The following FASN variants were observed in gnomAD, a reference collection of about 807,000 sequenced individuals.
FASN encodes the protein 3-hydroxyacyl-[acyl-carrier-protein] dehydratase.
A neutral mutation model predicts 250.0 loss-of-function variants in FASN; 50 were observed. The ratio of observed to expected loss-of-function variants is 0.20; its 90% CI spans 0.16 to 0.25. The LOEUF (loss-of-function observed/expected upper bound fraction) is 0.25. Ranked by LOEUF, FASN falls within the 10% of genes least tolerant of loss-of-function variation. The probability of loss-of-function intolerance (pLI) is 1.00; values close to 1 mark genes in which losing one functional copy is unlikely to be tolerated. For synonymous variants in FASN, 1,909 were observed against 1,584.0 expected (o/e 1.21, Z -4.87); for missense variants, 3,031 against 3,498.5 (o/e 0.87, Z 3.37).
Position 82,092,532 on chromosome 17 carries a change from C to T in FASN, c.952G>A (p.Glu318Lys). The change falls in exon 8 of 43, where the codon GAG becomes AAG. Residue 318 changes from glutamate (E) to lysine (K), a missense_variant. Glu to Lys is a moderately conservative substitution (Grantham distance 56, BLOSUM62 1). Transcript: ENST00000306749. ...ITRALCATRQ[E>K]PLLIGSTKSN... Reference sequence around the variant, plus strand: ...TTGGTGGAGCCGATGAGCAGCGGCTCCTGGCGGGTGGCGCACAGGGCTCGG... The same window carrying T: ...TTGGTGGAGCCGATGAGCAGCGGCTTCTGGCGGGTGGCGCACAGGGCTCGG... 1 of 1,605,374 alleles carries T rather than the reference C, an allele frequency of 6.2e-7. No homozygotes were observed. Among genetic ancestry groups the T allele is most frequent in the Non-Finnish European group, 8.5e-7 (1 of 1,178,562 alleles).
intron 34 of FASN, 52 bp downstream of exon 34, chr17:82,082,475 C>A (rs1020115216): frequency 3.1e-6 from 5 of 1,610,116 alleles, no homozygotes; most frequent in East Asian, 4.5e-5. Flanking sequence ...CACCCAGGGT[C>A]CCCCCCTTGG....
intron 10 of FASN, 120 bp downstream of exon 10, chr17:82,090,762 G>A (rs1209105608): frequency 1.6e-6 from 2 of 1,230,080 alleles, no homozygotes; most frequent in African/African-American, 1.5e-5. Flanking sequence ...CCCAGCACAA[G>A]GCTCTGCCTA....
rs2034253277 is a variant in FASN at position 82,093,625 on chromosome 17, G to A, written c.427C>T (p.Arg143Trp). The A allele has an allele frequency of 2.5e-6, 4 of 1,612,668 alleles. No homozygotes were observed. The highest frequency in any genetic ancestry group is 1.1e-5 in the South Asian group (1 of 91,082). Residue 143 changes from arginine to tryptophan, a missense_variant, in exon 4 of 43, where the codon CGG becomes TGG. Transcript: ENST00000306749. ...CTGAAGTCGAAGAAGAAGGAGAGCC[G>A]GTTGGCCATCATCGCTCGCTGGCAG... ...VGCQRAMMAN[R>W]LSFFFDFRGP...
In FASN at chr17:82,089,079, C is replaced by G. The variant is rs748713446; in HGVS notation, c.2194G>C (p.Ala732Pro). 4.4e-6 allele frequency: 7 copies of G among 1,583,268 alleles called. No individual in the cohort carries two copies. Among genetic ancestry groups the G allele is most frequent in the Non-Finnish European group, 6.0e-6 (7 of 1,165,894 alleles). ...ACCAGGTTGTTGACATTGTACTCGG[C>G]GGAGGACGTGCGTGCCAGGCTGCTG... Reference protein sequence around the residue: ...WHSSLARTSSAEYNVNNLVSP... With the variant: ...WHSSLARTSSPEYNVNNLVSP... The change falls in exon 14 of 43, where the codon GCC (alanine) becomes CCC (proline). Residue 732 changes from alanine to proline, a missense_variant. Coordinates refer to ENST00000306749, the MANE Select transcript of FASN (RefSeq NM_004104.5).
rs1260172954 is a variant in FASN at position 82,091,462 on chromosome 17, C to T, written c.1252G>A (p.Ala418Thr). 1.2e-6 allele frequency: 2 copies of T among 1,606,542 alleles called. No homozygotes were observed. Among genetic ancestry groups the T allele is most frequent in the Non-Finnish European group, 1.7e-6 (2 of 1,177,308 alleles). ...GCCCGCAGCAGACGGGGCAGGGTGG[C>T]ATGTGGGGCGGGTGCGGGGGGCGGC... ...TQPPPAPAPH[A>T]TLPRLLRASG... The change falls in exon 9 of 43, where the codon GCC (alanine) becomes ACC (threonine). Residue 418 changes from alanine (A) to threonine (T), a missense_variant. Transcript: ENST00000306749.
In FASN at chr17:82,083,623, C is replaced by T. The variant is rs2034031877; in HGVS notation, c.5235G>A (p.Leu1745=). 3.7e-6 allele frequency: 6 copies of T among 1,609,978 alleles called. No individual in the cohort carries two copies. In the South Asian group the frequency reaches 6.6e-5, roughly 18 times the overall value. The part of the protein sequence containing the change: ...HTGGKGVDLV[L]NSLAEEKLQA... ...GCAGCTTCTCTTCCGCCAAGGAGTT[C>T]AAGACCAGGTCAACGCCTAGGGGGC... is the stretch of plus-strand genomic sequence containing the variant. Residue 1745 remains leucine, a synonymous_variant, in exon 31 of 43, where the codon TTG becomes TTA. Transcript: ENST00000306749.
In FASN at chr17:82,088,241, G is replaced by A; in HGVS notation, c.2660C>T (p.Pro887Leu). 1 of 1,609,372 alleles carries A rather than the reference G, an allele frequency of 6.2e-7. No individual in the cohort carries two copies. Among genetic ancestry groups the A allele is most frequent in the Non-Finnish European group, 8.5e-7 (1 of 1,179,954 alleles). Residue 887 changes from proline (P) to leucine (L), a missense_variant, in exon 17 of 43, where the codon CCC (proline) becomes CTC (leucine). Coordinates refer to ENST00000306749, the MANE Select transcript of FASN (RefSeq NM_004104.5). ...DHTLDGRVLF[P>L]ATGYLSIVWK... The stretch of plus-strand genomic sequence containing the variant: ...CACTATGCTCAGGTAGCCAGTGGCG[G>A]GGAAGAGGACGCGACCGTCGAGGGT...
chr17:82,094,660 G>T (rs1032000744), intron 3 of FASN, among the ~76,000 whole-genome samples: 4 of 151,532 alleles, frequency 2.6e-5, no homozygotes, highest in Non-Finnish European at 5.9e-5. Flanking sequence ...GTGGTGGTGG[G>T]CGCCTGTAGT....
chr17:82,093,546 A>C, intron 4 of FASN, 52 bp downstream of exon 4: 2 of 1,611,142 alleles, frequency 1.2e-6, no homozygotes, highest in East Asian at 2.2e-5. Context: ...TCTGCTCAGC[A>C]TGTGGGGACC....
rs1205888170 is a variant in FASN at position 82,084,139 on chromosome 17, G to A, written c.4934C>T (p.Ala1645Val). 6.3e-7 allele frequency: 1 copy of A among 1,593,282 alleles called. No homozygotes were observed. Among genetic ancestry groups the A allele is most frequent in the Admixed American group, 1.8e-5 (1 of 56,824 alleles). The stretch of plus-strand genomic sequence containing the variant: ...GCTGTAGACGACAGGCACCGAGGCC[G>A]CCTCCTCCAGCGTCCTGGGGATGCA... ...DVPSNWTLEEAASVPVVYSTA... is the reference protein window; with the variant it reads ...DVPSNWTLEEVASVPVVYSTA... The change falls in exon 29 of 43, where the codon GCG becomes GTG. Residue 1645 changes from alanine to valine, a missense_variant. By Grantham distance (64) the Ala-to-Val change is moderately conservative. Transcript: ENST00000306749.
At chr17:82,091,125 A>C (rs949407514) in intron 9 of FASN, 56 bp from the exon 10 acceptor site, 2 of 1,605,646 alleles carry the variant, frequency 1.2e-6, no homozygotes, top group Admixed American at 3.3e-5. Context: ...CTGTGTGCCC[A>C]TCCCCGTCCC....
rs2034333926 is a variant in FASN at position 82,098,049 on chromosome 17, G to A, written c.-8+72C>T. 3.4e-5 allele frequency: 11 copies of A among 320,918 alleles called. No homozygotes were observed. In the East Asian group the frequency reaches 5.3e-4, roughly 15 times the overall value. 19.9% of individuals were successfully genotyped at this position (320,918 alleles called of 1,614,324 possible). A position where few individuals can be genotyped will look rare whatever the true frequency, so the allele number is the denominator to read the frequency against. On this transcript the variant is annotated intron_variant, in intron 1 of 42. Transcript: ENST00000306749. ...CCCGAGAGCGGAGGATGAGGAGCCG[G>A]GCCACCCCGGGAACCCCGGGCCCAG... is the stretch of plus-strand genomic sequence containing the variant.
chr17:82,084,356 T>C lies in FASN; in HGVS notation c.4797A>G (p.Leu1599=), dbSNP rs1397507468. The change falls in exon 28 of 43, where the codon CTA becomes CTG. Residue 1599 remains leucine, a synonymous_variant. Transcript: ENST00000306749. ...PGKWTSQDSL[L]GMEFSGRDAS... ...CGTCTCGGCCCGAGAACTCCATACCTAGCAGGCTGTCCTGGGAGGTCCACT... is the reference window on the plus strand; with the variant it reads ...CGTCTCGGCCCGAGAACTCCATACCCAGCAGGCTGTCCTGGGAGGTCCACT... 1 of 1,608,248 alleles carries C rather than the reference T, an allele frequency of 6.2e-7. No homozygotes were observed. The highest frequency in any genetic ancestry group is 8.5e-7 in the Non-Finnish European group (1 of 1,178,000).
rs1016866551 is a variant in FASN at position 82,084,455 on chromosome 17, C to G, written c.4768+58G>C. On this transcript the variant is annotated intron_variant, in intron 27 of 42. Transcript: ENST00000306749. ...CGAGGGGCTCCCAGGCAGGTCCTAG[C>G]TGCTGGGGTCTCTGCTCCCCGGCCC... The G allele has an allele frequency of 9.5e-6, 15 of 1,585,034 alleles. No homozygotes were observed. In the South Asian group the frequency reaches 1.7e-4, roughly 18 times the overall value.
chr17:82,079,325 C>G lies in FASN; in HGVS notation c.7398+32G>C. On this transcript the variant is annotated intron_variant, in intron 42 of 42. Transcript: ENST00000306749. ...CTGCCGTCCCACCCCACTCCTGTCC[C>G]TGTCCCCGTTCCCGTCAGGCCCCTT... 1.9e-6 allele frequency: 3 copies of G among 1,613,060 alleles called. No homozygotes were observed. The South Asian group carries it at 3.3e-5, about 18-fold the overall frequency.
rs376650647 is a variant in FASN, at chr17:82,087,744, C to T, written c.2984G>A (p.Arg995His). Reference sequence around the variant, plus strand: ...AGGGCCGTAGTCGTAGCCACGCAGACGCAGCTCCTTGTAAACTTCAGCCTG... The same window carrying T: ...AGGGCCGTAGTCGTAGCCACGCAGATGCAGCTCCTTGTAAACTTCAGCCTG... ...LAQAEVYKEL[R>H]LRGYDYGPHF... Residue 995 changes from arginine to histidine, a missense_variant, in exon 19 of 43, where the codon CGT becomes CAT. Transcript: ENST00000306749. 1.7e-5 allele frequency: 27 copies of T among 1,612,372 alleles called. No homozygotes were observed. Among genetic ancestry groups the T allele is most frequent in the Non-Finnish European group, 1.9e-5 (22 of 1,180,002 alleles).
Position 82,083,847 on chromosome 17 carries a change from G to A in FASN, c.5143C>T (p.Leu1715Phe). ...GAGTTGGCGAAGCTGGTGCTGTCGA[G>A]CTGGGGGAACCTGGCCTGGAGGTAC... ...RAYLQARFPQ[L>F]DSTSFANSRD... The change falls in exon 30 of 43, where the codon CTC becomes TTC. Residue 1715 changes from leucine (L) to phenylalanine (F), a missense_variant. Transcript: ENST00000306749. 6.3e-7 allele frequency: 1 copy of A among 1,596,580 alleles called. No individual in the cohort carries two copies. Among genetic ancestry groups the A allele is most frequent in the Non-Finnish European group, 8.5e-7 (1 of 1,172,586 alleles).
Position 82,079,007 on chromosome 17 carries a change from C to T in FASN, c.*136G>A. The T allele has an allele frequency of 1.9e-6, 2 of 1,076,820 alleles. No individual in the cohort carries two copies. The allele number at this position is 1,076,820 out of a possible 1,614,324, so 66.7% of individuals were successfully genotyped here. A position where few individuals can be genotyped will look rare whatever the true frequency, so the allele number is the denominator to read the frequency against. On this transcript the variant is annotated 3_prime_UTR_variant, in exon 43 of 43. Transcript: ENST00000306749. ...GGACATGCCTAACACCTACATCTAG[C>T]AGCCTCGGGGGGCAGTGGCACTGGG...
chr17:82,089,279 C>T lies in FASN; in HGVS notation c.2071G>A (p.Ala691Thr), dbSNP rs17848929. The T allele has an allele frequency of 4.3e-6, 7 of 1,612,570 alleles. No homozygotes were observed. The highest frequency in any genetic ancestry group is 1.3e-5 in the African/African-American group (1 of 74,892). Residue 691 changes from alanine to threonine, a missense_variant, in exon 13 of 43, where the codon GCA (alanine) becomes ACA (threonine). Coordinates refer to ENST00000306749, the MANE Select transcript of FASN (RefSeq NM_004104.5). Reference protein sequence around the residue: ...AFHSYFMEAIAPPLLQELKKV... With the variant: ...AFHSYFMEAITPPLLQELKKV... ...TTGAGCTCCTGCAGCAGTGGGGGTG[C>T]GATGGCCTCCATGAAGTAGGAGTGG... is the stretch of plus-strand genomic sequence containing the variant.
Sources: gnomAD v4.1 joint callset for allele counts (sites outside exome capture counted in the v4.1 genomes callset) on GRCh38, gnomAD v4.1.1 for gene constraint, MANE v1.5 for transcripts, NCBI Gene and HGNC (gene_info 2026-07-23, HGNC 2026-07-21) for gene names.